The following PAK1 variants were observed in gnomAD, a reference collection of about 807,000 sequenced individuals.
PAK1 encodes p21 (RAC1) activated kinase 1.
Under a neutral mutation model 67.4 loss-of-function variants are expected in PAK1, and 29 were observed. The observed-to-expected ratio is 0.43, with a 90% CI of 0.32 to 0.59. PAK1 has a LOEUF of 0.59. Among genes scored for constraint, PAK1 ranks in the 20% least tolerant of loss-of-function variants. The pLI is 0.07. For synonymous variants in PAK1, 223 were observed against 237.4 expected, an observed-to-expected ratio of 0.94 and a Z score of 0.56; for missense variants, 337 against 670.7, an observed-to-expected ratio of 0.50 and a Z score of 5.50.
chr11:77,488,245 G>A, the PAK1 span, among the ~76,000 whole-genome samples: 48 of 152,106 alleles, frequency 3.2e-4, no homozygotes, highest in Middle Eastern at 3.4e-3. Flanking sequence ...AGGCAAATAT[G>A]GCTGTAGTGA....
chr11:77,345,057 A>C (rs1944198468), intron 9 of PAK1, among the ~76,000 whole-genome samples: 1 of 152,214 alleles, frequency 6.6e-6, no homozygotes, highest in Non-Finnish European at 1.5e-5. Context: ...GGCCAAAGGA[A>C]ACTTCATTCT....
the PAK1 span, among the ~76,000 whole-genome samples, chr11:77,490,002 A>G: frequency 6.7e-6 from 1 of 150,074 alleles, no homozygotes; most frequent in Admixed American, 6.6e-5. Context: ...CTAGGAAGTG[A>G]GGAACGCCTC....
At chr11:77,362,917 C>T (rs1368296209) in intron 5 of PAK1, among the ~76,000 whole-genome samples, 2 of 152,074 alleles carry the variant, frequency 1.3e-5, no homozygotes, top group Non-Finnish European at 2.9e-5. Flanking sequence ...TGACTTAAAC[C>T]ATTAGCCTAC....
chr11:77,428,551 G>A (rs971585242), intron 1 of PAK1, among the ~76,000 whole-genome samples: 2 of 147,674 alleles, frequency 1.4e-5, no homozygotes, highest in African/African-American at 2.5e-5. Context: ...CAGCCTGGGC[G>A]ACAGAACAAG....
chr11:77,477,567 C>CA (rs61075974), upstream of PAK1, among the ~76,000 whole-genome samples: 108 of 84,132 alleles, frequency 1.3e-3, 1 homozygote, highest in Middle Eastern at 7.4e-3. Context: ...ACCATCTCTA[C>CA]AAAAAAAAAA....
At chr11:77,458,508 C>A (rs971316724) in intron 1 of PAK1, among the ~76,000 whole-genome samples, 7 of 152,240 alleles carry the variant, frequency 4.6e-5, no homozygotes, top group Admixed American at 1.3e-4. Flanking sequence ...GATTTTTGTG[C>A]GTGTGATTCA....
chr11:77,473,736 TGGGGGGGCGG>T lies in PAK1; in HGVS notation c.-216_-207del, dbSNP rs1565729196. 2 of 12,026 alleles carry T rather than the reference TGGGGGGGCGG, an allele frequency of 1.7e-4. No homozygotes were observed. Among genetic ancestry groups the T allele is most frequent in the African/African-American group, 6.7e-4 (2 of 2,982 alleles). The allele number at this position is 12,026 out of a possible 1,614,324, so 0.7% of individuals were successfully genotyped here. On this transcript the variant is annotated 5_prime_UTR_variant, in exon 1 of 15. Transcript: ENST00000356341. Reference sequence around the variant, plus strand: ...AGGGGAACTGCGAGGGAAGGGATGATGGGGGGGCGGGAGGGAGCGAGGCGACGCGGGCGGG... The same window carrying T: ...AGGGGAACTGCGAGGGAAGGGATGATGAGGGAGCGAGGCGACGCGGGCGGG...
intron 9 of PAK1, among the ~76,000 whole-genome samples, chr11:77,345,206 T>C (rs867508177): frequency 1.5e-4 from 23 of 152,252 alleles, no homozygotes; most frequent in African/African-American, 5.3e-4. Flanking sequence ...GAGGGCTTGA[T>C]TGAAAGCCCA....
At chr11:77,429,093 A>AAAAAAAAAAAAAAAAAAAAAAAAAAC (rs1565696611) in intron 1 of PAK1, among the ~76,000 whole-genome samples, 2 of 106,376 alleles carry the variant, frequency 1.9e-5, no homozygotes, top group African/African-American at 5.4e-5. Context: ...AAAAAAAAAA[A>AAAAAAAAAAAAAAAAAAAAAAAAAAC]ACACACACAC....
At chr11:77,519,650 A>G in the PAK1 span, among the ~76,000 whole-genome samples, 3 of 152,018 alleles carry the variant, frequency 2.0e-5, no homozygotes, top group Non-Finnish European at 2.9e-5. Flanking sequence ...TAATTCTATC[A>G]TTCCTACCAC....
At chr11:77,372,269 C>A (rs1222464969) in intron 5 of PAK1, among the ~76,000 whole-genome samples, 1 of 152,144 alleles carries the variant, frequency 6.6e-6, no homozygotes, top group Non-Finnish European at 1.5e-5. Flanking sequence ...AATTCTTTCC[C>A]ATCTTTTAAT....
chr11:77,484,491 T>A, the PAK1 span, among the ~76,000 whole-genome samples: 3 of 152,202 alleles, frequency 2.0e-5, no homozygotes, highest in African/African-American at 7.2e-5. Context: ...AGAAATAACA[T>A]TTTTTTAGAC....
At chr11:77,410,681 C>A (rs142050265) in intron 1 of PAK1, among the ~76,000 whole-genome samples, 1 of 139,486 alleles carries the variant, frequency 7.2e-6, no homozygotes, top group Admixed American at 7.7e-5. Context: ...AAGGGGACGG[C>A]GGGAGAAAAG....
chr11:77,419,594 T>C lies in PAK1; in HGVS notation c.-21-27053A>G, dbSNP rs533291626. Reference sequence around the variant, plus strand: ...TTTCAATCTAATAGCTTATAACTGATGACTAGTGTGATTGAAGTGCCTAAA... The same window carrying C: ...TTTCAATCTAATAGCTTATAACTGACGACTAGTGTGATTGAAGTGCCTAAA... On this transcript the variant is annotated intron_variant, in intron 1 of 14. Coordinates refer to ENST00000356341, the MANE Select transcript of PAK1 (RefSeq NM_002576.5). 2.6e-5 allele frequency among the ~76,000 whole-genome samples: 4 copies of C among 152,362 alleles called. No individual in the cohort carries two copies. The South Asian group carries it at 6.2e-4, about 24-fold the overall frequency.
chr11:77,322,797 A>G lies in PAK1; in HGVS notation c.*477T>C. On this transcript the variant is annotated 3_prime_UTR_variant, in exon 15 of 15. Transcript: ENST00000356341. The stretch of plus-strand genomic sequence containing the variant: ...TGTCCCTGGCAGATTATCAAACCCC[A>G]TGGCATTCCCAAGCTGTTCCAGTTT... 1 of 378,806 alleles carries G rather than the reference A, an allele frequency of 2.6e-6. No individual in the cohort carries two copies. The highest frequency in any genetic ancestry group is 4.8e-6 in the Non-Finnish European group (1 of 208,684). The allele number at this position is 378,806 out of a possible 1,614,324, so 23.5% of individuals were successfully genotyped here. A position where few individuals can be genotyped will look rare whatever the true frequency, so the allele number is the denominator to read the frequency against.
the PAK1 span, among the ~76,000 whole-genome samples, chr11:77,490,486 G>A: frequency 1.2e-4 from 17 of 145,722 alleles, no homozygotes; most frequent in South Asian, 4.4e-4. Context: ...CCGGCCAGCC[G>A]CCCCGTCCGG....
chr11:77,459,609 A>G (rs1281685694), intron 1 of PAK1, among the ~76,000 whole-genome samples: 1 of 152,194 alleles, frequency 6.6e-6, no homozygotes, highest in Non-Finnish European at 1.5e-5. Flanking sequence ...TCAAATAAAT[A>G]CAGAATCACA....
At chr11:77,469,891 TA>T (rs1957771282) in intron 1 of PAK1, among the ~76,000 whole-genome samples, 1 of 152,152 alleles carries the variant, frequency 6.6e-6, no homozygotes, top group South Asian at 2.1e-4. Flanking sequence ...TAATTCGTAA[TA>T]ATCAAATCAG....
the PAK1 span, among the ~76,000 whole-genome samples, chr11:77,486,385 T>C: frequency 8.6e-5 from 13 of 151,962 alleles, no homozygotes; most frequent in East Asian, 2.5e-3. Flanking sequence ...GCAAGATGGC[T>C]GAATAAAAGC....
Sources: gnomAD v4.1 joint callset for allele counts (sites outside exome capture counted in the v4.1 genomes callset) on GRCh38, gnomAD v4.1.1 for gene constraint, MANE v1.5 for transcripts, NCBI Gene and HGNC (gene_info 2026-07-23, HGNC 2026-07-21) for gene names.